TBC1D12: variants seen among roughly 807,000 people sequenced by gnomAD.
The protein encoded by TBC1D12 is TBC1 domain family member 12.
Under a neutral mutation model 86.7 loss-of-function variants are expected in TBC1D12, and 56 were observed. The ratio of observed to expected loss-of-function variants is 0.65; its 90% CI spans 0.52 to 0.81. The LOEUF is 0.81. Among genes scored for constraint, TBC1D12 ranks in the 30% least tolerant of loss-of-function variants. TBC1D12 has a pLI of 0.00. For missense variants in TBC1D12, 1,023 were observed against 1,038.8 expected (o/e 0.98, Z 0.21); for synonymous variants, 421 against 411.7 (o/e 1.02, Z -0.27).
chr10:94,460,003 T>C (rs546230378), intron 2 of TBC1D12, among the ~76,000 whole-genome samples: 1 of 152,258 alleles, frequency 6.6e-6, no homozygotes, highest in African/African-American at 2.4e-5. Context: ...ACACAGAGGC[T>C]GAGGAGGCAC....
intron 1 of TBC1D12, among the ~76,000 whole-genome samples, chr10:94,439,478 T>A (rs74153349): frequency 0.012 from 1,854 of 152,246 alleles, 55 homozygotes; most frequent in African/African-American, 0.043. Flanking sequence ...GGAGTCAATT[T>A]TTTTGTTGAG....
intron 1 of TBC1D12, among the ~76,000 whole-genome samples, chr10:94,416,102 A>G (rs2054994352): frequency 6.6e-6 from 1 of 151,836 alleles, no homozygotes; most frequent in Non-Finnish European, 1.5e-5. Context: ...GAAACATAAC[A>G]CTATGTAGGG....
At chr10:94,407,519 T>A (rs2054872565) in intron 1 of TBC1D12, among the ~76,000 whole-genome samples, 1 of 152,096 alleles carries the variant, frequency 6.6e-6, no homozygotes, top group Admixed American at 6.5e-5. Flanking sequence ...CTGTCTCTAC[T>A]ACAAATACAA....
chr10:94,420,347 C>A (rs1433206503), intron 1 of TBC1D12, among the ~76,000 whole-genome samples: 3 of 152,172 alleles, frequency 2.0e-5, no homozygotes, highest in African/African-American at 7.2e-5. Context: ...GTCTGTTGTT[C>A]AAGCTACCAA....
At chr10:94,483,332 C>T (rs2056106810) in intron 3 of TBC1D12, among the ~76,000 whole-genome samples, 1 of 152,080 alleles carries the variant, frequency 6.6e-6, no homozygotes. Flanking sequence ...TTTTAGGAAC[C>T]TCCAAACTGT....
chr10:94,456,936 AC>A (rs1161688277), intron 2 of TBC1D12, among the ~76,000 whole-genome samples: 1 of 151,986 alleles, frequency 6.6e-6, no homozygotes, highest in African/African-American at 2.4e-5. Flanking sequence ...ATTCCTGATA[AC>A]TTTCCTTGCT....
intron 2 of TBC1D12, among the ~76,000 whole-genome samples, chr10:94,450,183 TATCTAC>T (rs1352518687): frequency 9.2e-5 from 14 of 152,180 alleles, no homozygotes; most frequent in Admixed American, 2.6e-4. Flanking sequence ...TCTATATCTA[TATCTAC>T]ATCCTAGCCT....
chr10:94,479,485 A>G (rs2056045408), intron 3 of TBC1D12, among the ~76,000 whole-genome samples: 1 of 152,166 alleles, frequency 6.6e-6, no homozygotes, highest in Non-Finnish European at 1.5e-5. Context: ...GAACAGTTAA[A>G]TCCATTATTC....
intron 3 of TBC1D12, among the ~76,000 whole-genome samples, chr10:94,491,319 T>G (rs1044871972): frequency 6.6e-6 from 1 of 152,210 alleles, no homozygotes; most frequent in Admixed American, 6.5e-5. Flanking sequence ...GAATTTATAA[T>G]TTGAAAATTT....
chr10:94,498,115 G>A (rs763414921), intron 5 of TBC1D12, among the ~76,000 whole-genome samples: 8 of 151,958 alleles, frequency 5.3e-5, no homozygotes, highest in African/African-American at 7.3e-5. Flanking sequence ...CACCGTGCCC[G>A]GCCTAGTTAC....
In TBC1D12 at chr10:94,489,332, C is replaced by T. The variant is rs115240138; in HGVS notation, c.1212-4033C>T. ...AAGTTCCTCAGTCACTGTGTTGTTCCTCCCCTGAGTGCATGGGTTCTGTCT... is the reference window on the plus strand; with the variant it reads ...AAGTTCCTCAGTCACTGTGTTGTTCTTCCCCTGAGTGCATGGGTTCTGTCT... On this transcript the variant is annotated intron_variant, in intron 3 of 12. Transcript: ENST00000225235. Among the ~76,000 whole-genome samples the T allele has an allele frequency of 4.5e-3, 685 of 152,294 alleles. 4 individuals are homozygous for T. The highest frequency in any genetic ancestry group is 0.016 in the African/African-American group (652 of 41,562).
intron 2 of TBC1D12, among the ~76,000 whole-genome samples, chr10:94,459,071 GAGAGCTGATTGGTCCATTTTA>G (rs2055678508): frequency 1.9e-3 from 1 of 534 alleles, no homozygotes; most frequent in African/African-American, 0.014. Flanking sequence ...CCATTTTACA[GAGAGCTGATTGGTCCATTTTA>G]CAGAGAGCTG....
chr10:94,439,062 C>T (rs1357535656), intron 1 of TBC1D12, among the ~76,000 whole-genome samples: 1 of 152,058 alleles, frequency 6.6e-6, no homozygotes, highest in Non-Finnish European at 1.5e-5. Context: ...CCTCAGCCTC[C>T]CAAAGTGCTA....
intron 2 of TBC1D12, among the ~76,000 whole-genome samples, chr10:94,469,004 G>A (rs2055863205): frequency 6.6e-6 from 1 of 152,142 alleles, no homozygotes; most frequent in South Asian, 2.1e-4. Flanking sequence ...TAAGTTCATT[G>A]ATAATTTCTT....
Position 94,444,548 on chromosome 10 carries a change from G to T in TBC1D12, c.1095+2529G>T, listed in dbSNP as rs4918312. ...ACTGAAGGTTTATACAGGTATTTTT[G>T]ATTTTTATGGTAGTTTAAATATGCA... On this transcript the variant is annotated intron_variant, in intron 2 of 12. Transcript: ENST00000225235. 5.4e-3 allele frequency among the ~76,000 whole-genome samples: 821 copies of T among 151,986 alleles called. 4 individuals are homozygous for T. The highest frequency in any genetic ancestry group is 0.02 in the Middle Eastern group (6 of 294).
intron 1 of TBC1D12, among the ~76,000 whole-genome samples, chr10:94,440,651 TAATC>T (rs1449808965): frequency 4.6e-5 from 7 of 152,254 alleles, no homozygotes; most frequent in African/African-American, 1.7e-4. Context: ...TGTTTGTAAT[TAATC>T]ATATGTGTGA....
chr10:94,455,024 A>G (rs11528075), intron 2 of TBC1D12, among the ~76,000 whole-genome samples: 24,110 of 152,068 alleles, frequency 0.16, 2,253 homozygotes, highest in East Asian at 0.38. Context: ...TTTTTTGTAG[A>G]TGTTCTTTAT....
Position 94,497,120 on chromosome 10 carries a change from G to T in TBC1D12, c.1360G>T (p.Ala454Ser). The change falls in exon 5 of 13, where the codon GCA becomes TCA. Residue 454 changes from alanine (A) to serine (S), a missense_variant. Around this residue, in one of 2 missense-constraint regions of TBC1D12, gnomAD observed 395 missense variants for 507.7 expected, o/e 0.78. Coordinates refer to ENST00000225235, the MANE Select transcript of TBC1D12 (RefSeq NM_015188.2). ...KERFKQEENI[A>S]SAMVIWINEI... ...ACGATTTAAGCAGGAAGAAAATATT[G>T]CAAGTGCAATGGTAATTTGGATCAA... 6.4e-7 allele frequency: 1 copy of T among 1,566,610 alleles called. No homozygotes were observed.
intron 1 of TBC1D12, among the ~76,000 whole-genome samples, chr10:94,407,089 GA>G (rs1383447694): frequency 6.6e-6 from 1 of 152,018 alleles, no homozygotes; most frequent in Non-Finnish European, 1.5e-5. Context: ...CTTAAGTAAA[GA>G]GGGGGGAGCA....
Sources: gnomAD v4.1 joint callset for allele counts (sites outside exome capture counted in the v4.1 genomes callset) on GRCh38, gnomAD v4.1.1 for gene constraint, gnomAD v4.1.1 regional missense constraint, MANE v1.5 for transcripts, NCBI Gene and HGNC (gene_info 2026-07-23, HGNC 2026-07-21) for gene names.